Variants in ZGPAT observed in about 807,000 individuals in gnomAD.
ZGPAT encodes zinc finger CCCH-type with G patch domain-containing protein.
Under a neutral mutation model 47.9 loss-of-function variants are expected in ZGPAT, and 39 were observed. The observed-to-expected ratio is 0.81, with a 90% CI of 0.63 to 1.06. The LOEUF is 1.06. ZGPAT is among the 50% of genes least tolerant of loss of function. The pLI, the probability that ZGPAT is intolerant of heterozygous loss-of-function variation, is 0.00. For synonymous variants in ZGPAT, 348 were observed against 292.9 expected (o/e 1.19, Z -1.92); for missense variants, 717 against 681.4 (o/e 1.05, Z -0.58).
intron 2 of ZGPAT, among the ~76,000 whole-genome samples, chr20:63,712,449 C>G (rs2145640274): frequency 6.6e-6 from 1 of 152,354 alleles, no homozygotes. Context: ...ATTTGCTCCT[C>G]TTTTTCAAGT....
rs1057363616 is a variant in ZGPAT, at chr20:63,735,618, C to T, written c.1397+54C>T. ...GGGCGACCCAGGGTGGCCCTGCCCC[C>T]GGGATACATGCTGGAGGTCACCTGA... On this transcript the variant is annotated intron_variant, in intron 6 of 6. Coordinates refer to ENST00000355969, the MANE Select transcript of ZGPAT (RefSeq NM_181485.3). 31 of 1,498,146 alleles carry T rather than the reference C, an allele frequency of 2.1e-5. No homozygotes were observed. The Middle Eastern group carries it at 5.5e-4, about 26-fold the overall frequency. The allele number at this position is 1,498,146 out of a possible 1,614,324, so 92.8% of individuals were successfully genotyped here.
chr20:63,715,496 CCCGAAGTGCT>C (rs879907362), intron 2 of ZGPAT, among the ~76,000 whole-genome samples: 1 of 152,122 alleles, frequency 6.6e-6, no homozygotes, highest in African/African-American at 2.4e-5. Flanking sequence ...ACCTTGGCCT[CCCGAAGTGCT>C]GGGATTACAG....
chr20:63,730,884 A>C (rs2091890617), intron 2 of ZGPAT, among the ~76,000 whole-genome samples: 1 of 147,188 alleles, frequency 6.8e-6, no homozygotes, highest in Non-Finnish European at 1.5e-5. Flanking sequence ...GGCAAAGTTG[A>C]AGATTGCAGT....
intron 2 of ZGPAT, among the ~76,000 whole-genome samples, chr20:63,716,707 G>A (rs534566353): frequency 1.4e-3 from 210 of 151,928 alleles, no homozygotes; most frequent in South Asian, 3.1e-3. Context: ...TTTTGAGACG[G>A]AGTCTGTTTC....
At chr20:63,734,895 TC>T (rs1199254490) in intron 5 of ZGPAT, 71 bp downstream of exon 5, 1 of 1,488,032 alleles carries the variant, frequency 6.7e-7, no homozygotes, top group Non-Finnish European at 8.9e-7. Context: ...GCCATCAGGT[TC>T]CCGGGGTCCC....
At chr20:63,713,323 C>T (rs1037053625) in intron 2 of ZGPAT, among the ~76,000 whole-genome samples, 1 of 151,828 alleles carries the variant, frequency 6.6e-6, no homozygotes. Context: ...CTCCACCTCC[C>T]GGGTTCACAC....
intron 1 of ZGPAT, 79 bp from the exon 2 acceptor site, chr20:63,708,474 C>A: frequency 1.2e-6 from 1 of 850,662 alleles, no homozygotes; most frequent in South Asian, 1.7e-5. Context: ...GGAAAGGGGA[C>A]GTGCCCGTGC....
chr20:63,707,818 C>CT (rs1290631537), upstream of ZGPAT: 2 of 152,456 alleles, frequency 1.3e-5, no homozygotes, highest in Non-Finnish European at 1.5e-5. Context: ...ACCTCGAGTC[C>CT]TGGGCCGCCC....
At chr20:63,735,115 C>A in intron 5 of ZGPAT, 44 bp from the exon 6 acceptor site, 1 of 1,478,474 alleles carries the variant, frequency 6.8e-7, no homozygotes, top group South Asian at 1.4e-5. Context: ...CTCAGATTCC[C>A]GGGGTCCCGC....
chr20:63,714,068 G>A (rs1313762085), intron 2 of ZGPAT, among the ~76,000 whole-genome samples: 1 of 151,894 alleles, frequency 6.6e-6, no homozygotes, highest in Non-Finnish European at 1.5e-5. Flanking sequence ...AGTTTGCATG[G>A]CATTTATTTC....
rs2091972825 is a variant in ZGPAT at position 63,735,312 on chromosome 20, G to A, written c.1145G>A (p.Gly382Glu). 3.1e-6 allele frequency: 5 copies of A among 1,593,080 alleles called. No homozygotes were observed. The highest frequency in any genetic ancestry group is 4.3e-6 in the Non-Finnish European group (5 of 1,170,682). The change falls in exon 6 of 7, where the codon GGG (glycine) becomes GAG (glutamate). Residue 382 changes from glycine (G) to glutamate (E), a missense_variant. Physicochemically the swap from Gly to Glu is moderately conservative, Grantham distance 98 (BLOSUM62 -2). Transcript: ENST00000355969. ...TNKPPRCRGR[G>E]ARPGGRPAPR... ...AAGCCCCCCAGGTGCCGGGGAAGAGGGGCCAGGCCTGGGGGCCGCCCAGCT... is the reference window on the plus strand; with the variant it reads ...AAGCCCCCCAGGTGCCGGGGAAGAGAGGCCAGGCCTGGGGGCCGCCCAGCT...
At chr20:63,723,644 C>T (rs1487177474) in intron 2 of ZGPAT, among the ~76,000 whole-genome samples, 1 of 152,150 alleles carries the variant, frequency 6.6e-6, no homozygotes, top group Non-Finnish European at 1.5e-5. Context: ...TGTCCTCTGA[C>T]ATAGCTCCAT....
At chr20:63,720,013 A>G (rs2091770996) in intron 2 of ZGPAT, among the ~76,000 whole-genome samples, 1 of 152,132 alleles carries the variant, frequency 6.6e-6, no homozygotes, top group African/African-American at 2.4e-5. Flanking sequence ...AAATGCTGGG[A>G]TTACAGATGT....
chr20:63,734,980 G>A (rs981288447), intron 5 of ZGPAT, 156 bp downstream of exon 5: 20 of 1,310,912 alleles, frequency 1.5e-5, no homozygotes, highest in South Asian at 3.2e-5. Flanking sequence ...CCGGGGTCCC[G>A]CGGCCACAGC....
rs1242503233 is a variant in ZGPAT, at chr20:63,709,173, C to G, written c.584+9C>G. ...TTTAAGGAGAACTGCAGGTAAAGCC[C>G]TTTGTTGTCAGATGCCAACCTTAGG... is the stretch of plus-strand genomic sequence containing the variant. On this transcript the variant is annotated intron_variant, in intron 2 of 6. Transcript: ENST00000355969. 3.7e-6 allele frequency: 6 copies of G among 1,606,690 alleles called. No homozygotes were observed. The highest frequency in any genetic ancestry group is 1.6e-4 in the Middle Eastern group (1 of 6,082).
intron 2 of ZGPAT, among the ~76,000 whole-genome samples, chr20:63,725,992 C>T (rs1414408927): frequency 2.0e-5 from 3 of 151,608 alleles, no homozygotes; most frequent in Admixed American, 6.6e-5. Flanking sequence ...TGTGCCACCA[C>T]CATGCCCAGC....
Position 63,709,174 on chromosome 20 carries a change from TTTG to T in ZGPAT, c.584+15_584+17del. 1 of 1,606,592 alleles carries T rather than the reference TTTG, an allele frequency of 6.2e-7. No individual in the cohort carries two copies. The highest frequency in any genetic ancestry group is 8.5e-7 in the Non-Finnish European group (1 of 1,179,960). ...TTAAGGAGAACTGCAGGTAAAGCCC[TTTG>T]TTGTCAGATGCCAACCTTAGGGGCG... On this transcript the variant is annotated intron_variant, in intron 2 of 6. Transcript: ENST00000355969.
rs1423996313 is a variant in ZGPAT at position 63,736,044 on chromosome 20, CAG to C, written c.*128_*129del. 3.6e-6 allele frequency: 5 copies of C among 1,385,072 alleles called. No homozygotes were observed. Among genetic ancestry groups the C allele is most frequent in the African/African-American group, 1.5e-5 (1 of 68,574 alleles). The allele number at this position is 1,385,072 out of a possible 1,614,324, so 85.8% of individuals were successfully genotyped here. On this transcript the variant is annotated 3_prime_UTR_variant, in exon 7 of 7. Transcript: ENST00000355969. Reference sequence around the variant, plus strand: ...GCGTGCAGACACTGCTGAGTGGAGACAGAGCTGCGGGGTCCCATCTGGACACT... The same window carrying C: ...GCGTGCAGACACTGCTGAGTGGAGACAGCTGCGGGGTCCCATCTGGACACT...
intron 2 of ZGPAT, among the ~76,000 whole-genome samples, chr20:63,732,712 TTGTGTATGTGTATA>T (rs1308161194): frequency 2.0e-5 from 3 of 150,192 alleles, no homozygotes; most frequent in African/African-American, 7.4e-5. Flanking sequence ...ACATGTGTAC[TTGTGTATGTGTATA>T]TGTGTATGTC....
Sources: allele counts gnomAD v4.1 joint callset (sites outside exome capture counted in the v4.1 genomes callset), GRCh38; gene constraint gnomAD v4.1.1; transcripts MANE v1.5; gene names NCBI Gene and HGNC (gene_info 2026-07-23, HGNC 2026-07-21).